ZNF142: variants seen among roughly 807,000 people sequenced by gnomAD.
ZNF142 encodes zinc finger protein 142.
Under a neutral mutation model 132.1 loss-of-function variants are expected in ZNF142, and 96 were observed. The observed-to-expected ratio is 0.73, with a 90% CI of 0.62 to 0.86. The LOEUF (loss-of-function observed/expected upper bound fraction) is 0.86. Ranked by LOEUF, ZNF142 falls within the 40% of genes least tolerant of loss-of-function variation. ZNF142 has a pLI of 0.00. For synonymous variants in ZNF142, 842 were observed against 890.1 expected (o/e 0.95, Z 0.96); for missense variants, 2,163 against 2,336.2 (o/e 0.93, Z 1.53).
At chr2:218,647,461 C>A (rs183340245) in intron 7 of ZNF142, among the ~76,000 whole-genome samples, 78 of 140,828 alleles carry the variant, frequency 5.5e-4, no homozygotes, top group African/African-American at 2.0e-3. Flanking sequence ...ATTTTCAGAA[C>A]ATCCTTAAGA....
At position 218,636,324 on chromosome 2, in the gene ZNF142, A is replaced by G; in HGVS notation, c.*2015T>C. 1 of 1,614,032 alleles carries G rather than the reference A, an allele frequency of 6.2e-7. No homozygotes were observed. The highest frequency in any genetic ancestry group is 8.5e-7 in the Non-Finnish European group (1 of 1,179,902). On this transcript the variant is annotated 3_prime_UTR_variant, in exon 11 of 11. Transcript: ENST00000411696. ...GCCATGCTGCGTTTTGTGGTAATGG[A>G]TTATGACTGGAAATCCCGAAATGAC...
At chr2:218,646,947 A>G (rs1697781127) in intron 7 of ZNF142, among the ~76,000 whole-genome samples, 2 of 152,308 alleles carry the variant, frequency 1.3e-5, no homozygotes, top group East Asian at 1.9e-4. Flanking sequence ...TGCTGTCACT[A>G]TGGTCAACTA....
chr2:218,642,668 G>A lies in ZNF142; in HGVS notation c.4448C>T (p.Thr1483Ile), dbSNP rs1298727094. ...ACACTGGGAGCAGGCAAAGGCTGGGGTGCCTTGGTGGCAGCTGTTGACATG... is the reference window on the plus strand; with the variant it reads ...ACACTGGGAGCAGGCAAAGGCTGGGATGCCTTGGTGGCAGCTGTTGACATG... ...TRHVNSCHQG[T>I]PAFACSQCEA... The change falls in exon 9 of 11, where the codon ACC becomes ATC. Residue 1483 changes from threonine (T) to isoleucine (I), a missense_variant. Coordinates refer to ENST00000411696, the MANE Select transcript of ZNF142 (RefSeq NM_001379659.1). This position sits in a 1 kb window ranked among gnomAD's most constrained non-coding sequence, Gnocchi z 4.6. 6.2e-7 allele frequency: 1 copy of A among 1,614,144 alleles called. No individual in the cohort carries two copies. Among genetic ancestry groups the A allele is most frequent in the East Asian group, 2.2e-5 (1 of 44,892 alleles).
In ZNF142 at chr2:218,644,782, A is replaced by C; in HGVS notation, c.2334T>G (p.Cys778Trp). 6.2e-7 allele frequency: 1 copy of C among 1,614,214 alleles called. No individual in the cohort carries two copies. The highest frequency in any genetic ancestry group is 8.5e-7 in the Non-Finnish European group (1 of 1,180,036). The change falls in exon 9 of 11, where the codon TGT becomes TGG. Residue 778 changes from cysteine (C) to tryptophan (W), a missense_variant. Physicochemically the swap from Cys to Trp is radical, Grantham distance 215. Coordinates refer to ENST00000411696, the MANE Select transcript of ZNF142 (RefSeq NM_001379659.1). This position sits in a 1 kb window ranked among gnomAD's most constrained non-coding sequence, Gnocchi z 4.6. ...TRLREFHCAL[C>W]DYRTFSNTTL... ...TGGTGTTGCTGAAGGTGCGGTAGTC[A>C]CAGAGGGCACAGTGGAACTCACGGA... is the stretch of plus-strand genomic sequence containing the variant.
rs1476167575 is a variant in ZNF142 at position 218,636,155 on chromosome 2, A to G, written c.*2184T>C. On this transcript the variant is annotated 3_prime_UTR_variant, in exon 11 of 11. Coordinates refer to ENST00000411696, the MANE Select transcript of ZNF142 (RefSeq NM_001379659.1). ...CCTTACCTGTAAAATGCTGATTGCC[A>G]TCTAGATTAAATGAGAACACAAGAA... is the stretch of plus-strand genomic sequence containing the variant. 2.8e-6 allele frequency: 4 copies of G among 1,452,018 alleles called. No individual in the cohort carries two copies. The African/African-American group carries it at 5.6e-5, about 20-fold the overall frequency. 89.9% of individuals were successfully genotyped at this position (1,452,018 alleles called of 1,614,324 possible). A position where few individuals can be genotyped will look rare whatever the true frequency, so the allele number is the denominator to read the frequency against.
At position 218,633,672 on chromosome 2, in the gene ZNF142, G is replaced by T; in HGVS notation, c.*4667C>A. 6.2e-7 allele frequency: 1 copy of T among 1,613,142 alleles called. No individual in the cohort carries two copies. Among genetic ancestry groups the T allele is most frequent in the Non-Finnish European group, 8.5e-7 (1 of 1,179,248 alleles). ...ATCTACTTGAAGTCTGTCTCATTCC[G>T]CAGCTTCACACATTCAAAGGAGCAC... On this transcript the variant is annotated 3_prime_UTR_variant, in exon 11 of 11. Transcript: ENST00000411696.
In ZNF142 at chr2:218,650,549, A is replaced by G. The variant is rs1575078188; in HGVS notation, c.881-23T>C. On this transcript the variant is annotated intron_variant, in intron 5 of 10. Transcript: ENST00000411696. ...GAGCTGGAGATACATAAAACTTGAT[A>G]AAGTCTACAGGAGCCAATAACAGCA... 4.5e-6 allele frequency: 7 copies of G among 1,543,984 alleles called. No homozygotes were observed. The East Asian group carries it at 9.1e-5, about 20-fold the overall frequency.
Position 218,638,817 on chromosome 2 carries a change from C to A in ZNF142, c.5195-9G>T. On this transcript the variant is annotated splice_polypyrimidine_tract_variant and intron_variant, in intron 10 of 10. Coordinates refer to ENST00000411696, the MANE Select transcript of ZNF142 (RefSeq NM_001379659.1). ...CTGGTATGGCTTCAGTCCTACAGGA[C>A]AGGGAACAAATCACCATTGAAAGGC... The A allele has an allele frequency of 6.3e-7, 1 of 1,579,030 alleles. No homozygotes were observed. Among genetic ancestry groups the A allele is most frequent in the Non-Finnish European group, 8.6e-7 (1 of 1,166,552 alleles).
Position 218,636,137 on chromosome 2 carries a change from T to G in ZNF142, c.*2202A>C. The G allele has an allele frequency of 7.1e-7, 1 of 1,405,492 alleles. No homozygotes were observed. The highest frequency in any genetic ancestry group is 9.9e-7 in the Non-Finnish European group (1 of 1,009,528). The allele number at this position is 1,405,492 out of a possible 1,614,324, so 87.1% of individuals were successfully genotyped here. On this transcript the variant is annotated 3_prime_UTR_variant, in exon 11 of 11. Transcript: ENST00000411696. ...CTTACTCTGAGCCTTTTTCCTTACC[T>G]GTAAAATGCTGATTGCCATCTAGAT...
At position 218,645,020 on chromosome 2, in the gene ZNF142, T is replaced by A. The variant is rs373812401; in HGVS notation, c.2096A>T (p.Gln699Leu). ...ATGCCGCAGCTTGTGGCTGCTCAGC[T>A]GATCAGCCCGGTGACAGCGATAGGA... ...QCSYRCHRAD[Q>L]LSSHKLRHQG... Residue 699 changes from glutamine (Q) to leucine (L), a missense_variant, in exon 9 of 11, where the codon CAG (glutamine) becomes CTG (leucine). Coordinates refer to ENST00000411696, the MANE Select transcript of ZNF142 (RefSeq NM_001379659.1). 7 of 1,613,830 alleles carry A rather than the reference T, an allele frequency of 4.3e-6. No individual in the cohort carries two copies. Among genetic ancestry groups the A allele is most frequent in the Non-Finnish European group, 5.1e-6 (6 of 1,179,878 alleles).
chr2:218,637,059 A>C lies in ZNF142; in HGVS notation c.*1280T>G. The C allele has an allele frequency of 5.1e-6, 2 of 391,522 alleles. No individual in the cohort carries two copies. The highest frequency in any genetic ancestry group is 4.2e-5 in the African/African-American group (2 of 47,882). The allele number at this position is 391,522 out of a possible 1,614,324, so 24.3% of individuals were successfully genotyped here. On this transcript the variant is annotated 3_prime_UTR_variant, in exon 11 of 11. Coordinates refer to ENST00000411696, the MANE Select transcript of ZNF142 (RefSeq NM_001379659.1). The stretch of plus-strand genomic sequence containing the variant: ...GGCTTCCCCAGCAAAGATTAGGGAA[A>C]GAGACTTGACCCCAGGACTGTACTA...
intron 7 of ZNF142, 36 bp from the exon 8 acceptor site, chr2:218,646,384 A>C: frequency 6.2e-7 from 1 of 1,609,114 alleles, no homozygotes; most frequent in Non-Finnish European, 8.5e-7. Flanking sequence ...GAGAGAACAC[A>C]GGTCAGATAC....
Position 218,642,453 on chromosome 2 carries a change from C to G in ZNF142, c.4663G>C (p.Glu1555Gln). 6.2e-7 allele frequency: 1 copy of G among 1,612,138 alleles called. No individual in the cohort carries two copies. Among genetic ancestry groups the G allele is most frequent in the South Asian group, 1.1e-5 (1 of 90,922 alleles). Residue 1555 changes from glutamate to glutamine, a missense_variant, in exon 9 of 11, where the codon GAG becomes CAG. Glu to Gln is a conservative substitution (Grantham distance 29). Transcript: ENST00000411696. The surrounding 1 kb of genome is among the most constrained non-coding windows in gnomAD (Gnocchi z 4.6). ...AAGGCCTCCTGGCAGGCCCCACACT[C>G]AAGCCGTGGGTGCTGTTTACGGGTG... ...GHTRKQHPRL[E>Q]CGACQEAFPS... is the part of the protein sequence containing the mutation.
At position 218,636,215 on chromosome 2, in the gene ZNF142, T is replaced by C. The variant is rs371726906; in HGVS notation, c.*2124A>G. The C allele has an allele frequency of 3.1e-6, 5 of 1,604,268 alleles. No individual in the cohort carries two copies. The highest frequency in any genetic ancestry group is 3.4e-6 in the Non-Finnish European group (4 of 1,171,152). ...AGTCAAGAAAACTGTCATAATGTCT[T>C]CTTATTTCTTTCTGTCCACCAACTC... On this transcript the variant is annotated 3_prime_UTR_variant, in exon 11 of 11. Coordinates refer to ENST00000411696, the MANE Select transcript of ZNF142 (RefSeq NM_001379659.1).
chr2:218,654,973 C>T (rs1350413798), intron 4 of ZNF142, among the ~76,000 whole-genome samples: 1 of 151,980 alleles, frequency 6.6e-6, no homozygotes, highest in East Asian at 1.9e-4. Context: ...CCTGTGGCCC[C>T]AGCTACATGG....
rs759205136 is a variant in ZNF142, at chr2:218,646,302, G to A, written c.1920C>T (p.Asp640=). 134 of 1,614,206 alleles carry A rather than the reference G, an allele frequency of 8.3e-5. No homozygotes were observed. The highest frequency in any genetic ancestry group is 4.0e-4 in the East Asian group (18 of 44,886). ...KCELCDFTCR[D]VSYLSKHMLT... Reference sequence around the variant, plus strand: ...GCATGTGCTTGGATAGGTAGCTCACGTCTCGGCATGTGAAGTCACACAGCT... The same window carrying A: ...GCATGTGCTTGGATAGGTAGCTCACATCTCGGCATGTGAAGTCACACAGCT... Residue 640 remains aspartate (D), a synonymous_variant, in exon 8 of 11, where the codon GAC becomes GAT. Transcript: ENST00000411696.
chr2:218,653,732 G>A (rs1336618527), intron 4 of ZNF142, among the ~76,000 whole-genome samples: 1 of 152,080 alleles, frequency 6.6e-6, no homozygotes, highest in Admixed American at 6.6e-5. Context: ...TTATCTTTGA[G>A]TACATTTACA....
Position 218,656,147 on chromosome 2 carries a change from T to TACCTGGGGTCTCTCCAGGAGC in ZNF142, c.262_280+2dup, listed in dbSNP as rs761919291. On this transcript the variant is annotated splice_region_variant and intron_variant, in intron 4 of 10. Coordinates refer to ENST00000411696, the MANE Select transcript of ZNF142 (RefSeq NM_001379659.1). ...ACTGGCCTGCTTGCAACTGTGTTTG[T>TACCTGGGGTCTCTCCAGGAGC]ACCTGGGGTCTCTCCAGGAGCACCT... 4.3e-5 allele frequency: 67 copies of TACCTGGGGTCTCTCCAGGAGC among 1,562,158 alleles called. No individual in the cohort carries two copies. Among genetic ancestry groups the TACCTGGGGTCTCTCCAGGAGC allele is most frequent in the Non-Finnish European group, 5.6e-5 (64 of 1,149,652 alleles).
In ZNF142 at chr2:218,633,761, G is replaced by T; in HGVS notation, c.*4578C>A. On this transcript the variant is annotated 3_prime_UTR_variant, in exon 11 of 11. Transcript: ENST00000411696. ...GGCCAAGCGCCTCATCAAGGAGGCT[G>T]GTCAGGACCAAAATGGAGGGATGGG... 1 of 1,613,812 alleles carries T rather than the reference G, an allele frequency of 6.2e-7. No individual in the cohort carries two copies. Among genetic ancestry groups the T allele is most frequent in the Non-Finnish European group, 8.5e-7 (1 of 1,179,850 alleles).
Sources: allele counts gnomAD v4.1 joint callset (sites outside exome capture counted in the v4.1 genomes callset), GRCh38; gene constraint gnomAD v4.1.1; non-coding constraint Gnocchi (gnomAD v3.1); transcripts MANE v1.5; gene names NCBI Gene and HGNC (gene_info 2026-07-23, HGNC 2026-07-21).